CCDC192: variants seen among roughly 807,000 people sequenced by gnomAD.
CCDC192 encodes coiled-coil domain containing 192.
At chr5:127,907,203 C>T (rs138523901) in intron 6 of CCDC192, among the ~76,000 whole-genome samples, 13 of 151,818 alleles carry the variant, frequency 8.6e-5, no homozygotes, top group Admixed American at 8.5e-4. Flanking sequence ...TCCAAGAAAC[C>T]CACAAGTTAG....
At chr5:127,852,658 A>G (rs930144163) in intron 5 of CCDC192, among the ~76,000 whole-genome samples, 3 of 152,162 alleles carry the variant, frequency 2.0e-5, no homozygotes, top group African/African-American at 7.2e-5. Flanking sequence ...ATTCTCCCAT[A>G]ACAGGAGGGA....
At position 127,745,311 on chromosome 5, in the gene CCDC192, T is replaced by G. The variant is rs1043359498; in HGVS notation, c.115-8957T>G. On this transcript the variant is annotated intron_variant, in intron 2 of 6. Transcript: ENST00000514853. ...ATAATGAGAAGGTACTGGAATAGAT[T>G]AAGAAATCAAGAAATATAAAATTAG... Among the ~76,000 whole-genome samples, 3 of 152,158 alleles carry G rather than the reference T, an allele frequency of 2.0e-5. No homozygotes were observed. In the South Asian group the frequency reaches 6.2e-4, roughly 32 times the overall value.
At chr5:127,740,773 T>C (rs1159986616) in intron 2 of CCDC192, among the ~76,000 whole-genome samples, 1 of 152,168 alleles carries the variant, frequency 6.6e-6, no homozygotes, top group Non-Finnish European at 1.5e-5. Flanking sequence ...ACTTGGGCAA[T>C]GAAATGTCAT....
chr5:127,763,296 C>T (rs79493190), intron 3 of CCDC192, among the ~76,000 whole-genome samples: 1,527 of 152,280 alleles, frequency 0.01, 29 homozygotes, highest in African/African-American at 0.035. Context: ...GTGATCAGTG[C>T]CACCAGCCAC....
chr5:127,798,251 T>A, intron 5 of CCDC192, 89 bp downstream of exon 5: 1 of 395,380 alleles, frequency 2.5e-6, no homozygotes, highest in Admixed American at 4.4e-5. Flanking sequence ...TATAAATGAG[T>A]TTCGTCTGGA....
At chr5:127,768,673 G>A (rs556143316) in intron 3 of CCDC192, among the ~76,000 whole-genome samples, 64 of 152,276 alleles carry the variant, frequency 4.2e-4, no homozygotes, top group African/African-American at 1.3e-3. Flanking sequence ...TTTTATGTGC[G>A]TAAACCTAGA....
chr5:127,853,296 A>G (rs1239379446), intron 5 of CCDC192, among the ~76,000 whole-genome samples: 1 of 152,184 alleles, frequency 6.6e-6, no homozygotes, highest in Non-Finnish European at 1.5e-5. Flanking sequence ...TATTTTCCAT[A>G]TGTATAATAA....
chr5:127,803,180 A>T (rs1580685225), intron 5 of CCDC192, among the ~76,000 whole-genome samples: 1 of 152,234 alleles, frequency 6.6e-6, no homozygotes, highest in East Asian at 1.9e-4. Flanking sequence ...TGATTGTTTA[A>T]TTAAATTGAT....
rs544662093 is a variant in CCDC192, at chr5:127,846,945, TCC to T, written c.412-28591_412-28590del. On this transcript the variant is annotated intron_variant, in intron 5 of 6. Coordinates refer to ENST00000514853, the MANE Select transcript of CCDC192 (RefSeq NM_001317938.2). Reference sequence around the variant, plus strand: ...CTTGGAAAAAGGTCGATTAATATTTTCCCTGCTCAGCATTTCCACAGTCCCCC... The same window carrying T: ...CTTGGAAAAAGGTCGATTAATATTTTCTGCTCAGCATTTCCACAGTCCCCC... 2.4e-4 allele frequency among the ~76,000 whole-genome samples: 36 copies of T among 152,142 alleles called. 1 individual carries two copies. In the South Asian group the frequency reaches 6.2e-3, roughly 26 times the overall value.
intron 3 of CCDC192, among the ~76,000 whole-genome samples, chr5:127,777,393 C>A (rs374361686): frequency 1.3e-5 from 2 of 152,170 alleles, no homozygotes; most frequent in South Asian, 2.1e-4. Context: ...TGCTTGTACA[C>A]CCCTTGTATC....
chr5:127,733,270 G>T (rs1198826689), intron 2 of CCDC192, among the ~76,000 whole-genome samples: 1 of 152,238 alleles, frequency 6.6e-6, no homozygotes, highest in Non-Finnish European at 1.5e-5. Context: ...ACTCCCAGAA[G>T]CTGGACCATA....
intron 3 of CCDC192, among the ~76,000 whole-genome samples, chr5:127,759,362 C>T (rs1218716000): frequency 6.6e-6 from 1 of 152,128 alleles, no homozygotes; most frequent in African/African-American, 2.4e-5. Flanking sequence ...ATGATAAGTT[C>T]TTGAGGGCAC....
intron 3 of CCDC192, among the ~76,000 whole-genome samples, chr5:127,794,548 T>G (rs13178970): frequency 1.1e-3 from 162 of 152,322 alleles, no homozygotes; most frequent in Middle Eastern, 3.4e-3. Flanking sequence ...TATTCACCTA[T>G]ATAGTTTTGC....
intron 5 of CCDC192, among the ~76,000 whole-genome samples, chr5:127,832,677 C>T (rs1749856554): frequency 6.6e-6 from 1 of 152,048 alleles, no homozygotes; most frequent in South Asian, 2.1e-4. Context: ...ATAAATATGA[C>T]ACACACACAT....
At chr5:127,873,692 A>G (rs1451237919) in intron 5 of CCDC192, among the ~76,000 whole-genome samples, 4 of 152,090 alleles carry the variant, frequency 2.6e-5, no homozygotes, top group African/African-American at 9.7e-5. Flanking sequence ...TATATCTCCA[A>G]AGTTCTAAAT....
chr5:127,844,896 G>T (rs1047641029), intron 5 of CCDC192, among the ~76,000 whole-genome samples: 1 of 152,168 alleles, frequency 6.6e-6, no homozygotes, highest in Non-Finnish European at 1.5e-5. Context: ...GCCTCACAGG[G>T]CCTTGTGCCA....
chr5:127,710,113 G>A (rs564765727), intron 2 of CCDC192, among the ~76,000 whole-genome samples: 40 of 152,240 alleles, frequency 2.6e-4, no homozygotes, highest in Non-Finnish European at 3.8e-4. Context: ...GAAGGAACTG[G>A]TTGTGCTTCG....
At chr5:127,714,906 G>T (rs982413139) in intron 2 of CCDC192, among the ~76,000 whole-genome samples, 2 of 151,510 alleles carry the variant, frequency 1.3e-5, no homozygotes, top group Non-Finnish European at 2.9e-5. Context: ...AAATATACGT[G>T]TTAGCAATTT....
At chr5:127,866,981 T>C (rs917218601) in intron 5 of CCDC192, among the ~76,000 whole-genome samples, 3 of 152,224 alleles carry the variant, frequency 2.0e-5, no homozygotes, top group African/African-American at 7.2e-5. Flanking sequence ...TTCTCTACTT[T>C]GGTTTCTTTA....
Sources: gnomAD v4.1 joint callset for allele counts (sites outside exome capture counted in the v4.1 genomes callset) on GRCh38, gnomAD v4.1.1 for gene constraint, MANE v1.5 for transcripts, NCBI Gene and HGNC (gene_info 2026-07-23, HGNC 2026-07-21) for gene names.